SEC14L4: variants seen among roughly 807,000 people sequenced by gnomAD.
SEC14L4 encodes SEC14-like protein 4.
SEC14L4 carries 42 observed loss-of-function variants against 55.1 expected under a neutral mutation model. The observed-to-expected ratio is 0.76, with a 90% CI of 0.60 to 0.99. The LOEUF (loss-of-function observed/expected upper bound fraction) is 0.99. Among genes scored for constraint, SEC14L4 ranks in the 50% least tolerant of loss-of-function variants. The pLI is 0.00. For synonymous variants in SEC14L4, 206 were observed against 206.8 expected (o/e 1.00, Z 0.03); for missense variants, 445 against 512.1 (o/e 0.87, Z 1.27).
intron 3 of SEC14L4, 50 bp downstream of exon 3, chr22:30,495,878 C>G: frequency 6.3e-7 from 1 of 1,599,882 alleles, no homozygotes; most frequent in East Asian, 2.2e-5. Flanking sequence ...CAGCAAATCC[C>G]TGGGTCACAG....
At position 30,505,620 on chromosome 22, in the gene SEC14L4, C is replaced by T; in HGVS notation, c.-9G>A. On this transcript the variant is annotated 5_prime_UTR_variant, in exon 1 of 12. Coordinates refer to ENST00000255858, the MANE Select transcript of SEC14L4 (RefSeq NM_174977.4). ...CCGACTCGGCTGCTCATGGTGCCCG[C>T]GGGCGCAGAAAGGCTCAGGGCGCAG... 6.4e-7 allele frequency: 1 copy of T among 1,551,714 alleles called. No individual in the cohort carries two copies. The highest frequency in any genetic ancestry group is 1.2e-5 in the South Asian group (1 of 84,780).
At position 30,495,398 on chromosome 22, in the gene SEC14L4, G is replaced by T. The variant is rs754750771; in HGVS notation, c.279C>A (p.Tyr93Ter). 6.2e-7 allele frequency: 1 copy of T among 1,613,856 alleles called. No individual in the cohort carries two copies. Among genetic ancestry groups the T allele is most frequent in the Admixed American group, 1.7e-5 (1 of 59,986 alleles). The part of the protein sequence containing the change: ...YDSGGLCGYD[Y>*]EGCPVYFNII... ...TGTTGAAGTACACAGGGCAGCCTTC[G>T]TAGTCGTAGCCACAAAGACCACCCG... The change falls in exon 5 of 12, where the codon TAC (tyrosine) becomes TAA (stop). Residue 93 changes from tyrosine to a stop codon, truncating the protein, a stop_gained. Transcript: ENST00000255858. LOFTEE classifies it high-confidence loss of function.
At chr22:30,500,126 T>G (rs1367974667) in intron 2 of SEC14L4, among the ~76,000 whole-genome samples, 1 of 152,086 alleles carries the variant, frequency 6.6e-6, no homozygotes, top group Non-Finnish European at 1.5e-5. Context: ...CACCTCGGCC[T>G]CCCAAAGTGC....
At chr22:30,493,529 T>C (rs1936036099) in intron 7 of SEC14L4, among the ~76,000 whole-genome samples, 1 of 152,170 alleles carries the variant, frequency 6.6e-6, no homozygotes, top group Non-Finnish European at 1.5e-5. Context: ...CCAGGGACCA[T>C]TCCCGCTCAA....
Position 30,489,545 on chromosome 22 carries a change from C to A in SEC14L4, c.*562G>T. On this transcript the variant is annotated 3_prime_UTR_variant, in exon 12 of 12. Transcript: ENST00000255858. ...GTGAGCCACCACGCCCAGTCCATTT[C>A]CAATTTTCCATCCAGTGGTGGCAGA... 1 of 487,672 alleles carries A rather than the reference C, an allele frequency of 2.1e-6. No individual in the cohort carries two copies. Among genetic ancestry groups the A allele is most frequent in the Admixed American group, 3.6e-5 (1 of 27,638 alleles). The allele number at this position is 487,672 out of a possible 1,614,324, so 30.2% of individuals were successfully genotyped here.
intron 2 of SEC14L4, among the ~76,000 whole-genome samples, chr22:30,498,539 C>A (rs1431566483): frequency 6.6e-6 from 1 of 152,172 alleles, no homozygotes; most frequent in African/African-American, 2.4e-5. Flanking sequence ...AGTCTTTCTA[C>A]CAATTGATAT....
Position 30,492,065 on chromosome 22 carries a change from G to A in SEC14L4, c.755C>T (p.Pro252Leu), listed in dbSNP as rs369641628. 9.9e-6 allele frequency: 16 copies of A among 1,613,706 alleles called. No individual in the cohort carries two copies. In the African/African-American group the frequency reaches 2.0e-4, roughly 20 times the overall value. ...GGTMTDPDGN[P>L]KCLTKINYGG... ...ACCCTGTACCTTGGTCAGGCACTTG[G>A]GGTTGCCATCGGGGTCAGTCATGGT... The change falls in exon 9 of 12, where the codon CCC becomes CTC. Residue 252 changes from proline to leucine, a missense_variant. Transcript: ENST00000255858.
At position 30,489,565 on chromosome 22, in the gene SEC14L4, G is replaced by C. The variant is rs1298513947; in HGVS notation, c.*542C>G. 1.9e-6 allele frequency: 1 copy of C among 523,532 alleles called. No homozygotes were observed. The highest frequency in any genetic ancestry group is 1.9e-5 in the African/African-American group (1 of 52,494). The allele number at this position is 523,532 out of a possible 1,614,324, so 32.4% of individuals were successfully genotyped here. A position where few individuals can be genotyped will look rare whatever the true frequency, so the allele number is the denominator to read the frequency against. On this transcript the variant is annotated 3_prime_UTR_variant, in exon 12 of 12. Coordinates refer to ENST00000255858, the MANE Select transcript of SEC14L4 (RefSeq NM_174977.4). ...CATTTCCAATTTTCCATCCAGTGGT[G>C]GCAGAACAAACTTGGATGGGCCCCA...
At position 30,489,856 on chromosome 22, in the gene SEC14L4, G is replaced by C. The variant is rs61738729; in HGVS notation, c.*251C>G. 6.4e-7 allele frequency: 1 copy of C among 1,551,244 alleles called. No individual in the cohort carries two copies. The highest frequency in any genetic ancestry group is 1.4e-5 in the African/African-American group (1 of 73,052). On this transcript the variant is annotated 3_prime_UTR_variant, in exon 12 of 12. Coordinates refer to ENST00000255858, the MANE Select transcript of SEC14L4 (RefSeq NM_174977.4). ...CTCAGTGGACTGGATCATCTTCAGC[G>C]TTCTCATTCTCAGCCGCATTCTCTG...
rs766552344 is a variant in SEC14L4, at chr22:30,495,391, A to G, written c.286T>C (p.Cys96Arg). The G allele has an allele frequency of 6.2e-6, 10 of 1,614,128 alleles. No homozygotes were observed. The Admixed American group carries it at 1.0e-4, about 16-fold the overall frequency. Residue 96 changes from cysteine to arginine, a missense_variant, in exon 5 of 12, where the codon TGC becomes CGC. Coordinates refer to ENST00000255858, the MANE Select transcript of SEC14L4 (RefSeq NM_174977.4). ...GGLCGYDYEG[C>R]PVYFNIIGSL... is the part of the protein sequence containing the mutation. ...CCAATGATGTTGAAGTACACAGGGC[A>G]GCCTTCGTAGTCGTAGCCACAAAGA...
intron 5 of SEC14L4, 23 bp from the exon 6 acceptor site, chr22:30,494,984 G>C: frequency 6.2e-7 from 1 of 1,601,532 alleles, no homozygotes; most frequent in Non-Finnish European, 8.5e-7. Context: ...GAGTCATATA[G>C]GTCAGACGAC....
chr22:30,495,758 TGG>T, intron 3 of SEC14L4, 116 bp from the exon 4 acceptor site: 2 of 1,605,898 alleles, frequency 1.2e-6, no homozygotes, highest in Non-Finnish European at 1.7e-6. Flanking sequence ...TCTCAGAGCG[TGG>T]GGACAGGAGG....
At chr22:30,495,098 A>G in intron 5 of SEC14L4, 137 bp from the exon 6 acceptor site, 5 of 987,756 alleles carry the variant, frequency 5.1e-6, no homozygotes, top group Non-Finnish European at 7.5e-6. Context: ...ACAGATGGAC[A>G]ACACCTCACT....
chr22:30,501,870 T>TATATATATATATAC (rs1555877949), intron 2 of SEC14L4, among the ~76,000 whole-genome samples: 1 of 143,848 alleles, frequency 7.0e-6, no homozygotes, highest in East Asian at 2.1e-4. Context: ...TATATATATA[T>TATATATATATATAC]ATATACATAC....
intron 2 of SEC14L4, among the ~76,000 whole-genome samples, chr22:30,497,869 A>T (rs1438867057): frequency 6.6e-6 from 1 of 152,196 alleles, no homozygotes; most frequent in Non-Finnish European, 1.5e-5. Context: ...TGAGCTGCTC[A>T]TTATGGTAGC....
intron 1 of SEC14L4, among the ~76,000 whole-genome samples, chr22:30,504,947 T>A (rs1936444718): frequency 6.6e-6 from 1 of 151,664 alleles, no homozygotes; most frequent in African/African-American, 2.4e-5. Context: ...GCCTGGCCAA[T>A]ATGGTGAAAC....
At chr22:30,490,438 C>G (rs1290696663) in intron 11 of SEC14L4, 192 bp from the exon 12 acceptor site, 3 of 828,764 alleles carry the variant, frequency 3.6e-6, no homozygotes, top group African/African-American at 3.5e-5. Flanking sequence ...GTGCCCAGCC[C>G]TAAGCCCATT....
At chr22:30,491,183 C>T (rs1935937927) in intron 11 of SEC14L4, among the ~76,000 whole-genome samples, 1 of 152,148 alleles carries the variant, frequency 6.6e-6, no homozygotes, top group African/African-American at 2.4e-5. Context: ...CCTGGAAGGC[C>T]TGGGGGTGAA....
At chr22:30,503,813 C>A in intron 1 of SEC14L4, 61 bp from the exon 2 acceptor site, 2 of 1,310,262 alleles carry the variant, frequency 1.5e-6, no homozygotes, top group South Asian at 1.2e-5. Flanking sequence ...CCACCAACCC[C>A]GCCCCTAACC....
Sources: allele counts gnomAD v4.1 joint callset (sites outside exome capture counted in the v4.1 genomes callset), GRCh38; gene constraint gnomAD v4.1.1; transcripts MANE v1.5; gene names NCBI Gene and HGNC (gene_info 2026-07-23, HGNC 2026-07-21).